ZNF385D: variants seen among roughly 807,000 people sequenced by gnomAD.
The protein encoded by ZNF385D is zinc finger protein 385D.
A neutral mutation model predicts 35.8 loss-of-function variants in ZNF385D; 15 were observed. That is an observed-to-expected ratio of 0.42 (90% CI 0.28 to 0.64). The LOEUF is 0.64. ZNF385D is among the 30% of genes least tolerant of loss of function. The pLI is 0.23. For missense variants in ZNF385D, 474 were observed against 494.6 expected (o/e 0.96, Z 0.39); for synonymous variants, 212 against 186.8 (o/e 1.13, Z -1.10).
intron 3 of ZNF385D, among the ~76,000 whole-genome samples, chr3:22,014,914 C>A (rs34068715): frequency 7.9e-5 from 12 of 152,112 alleles, no homozygotes; most frequent in Admixed American, 6.5e-4. Flanking sequence ...AACGTGGAAA[C>A]TGATTACAGT....
At chr3:21,949,650 G>C (rs539329771) in intron 3 of ZNF385D, among the ~76,000 whole-genome samples, 2 of 149,824 alleles carry the variant, frequency 1.3e-5, no homozygotes, top group East Asian at 4.0e-4. Flanking sequence ...GTGGTTTGCT[G>C]CACCCATCAA....
chr3:21,945,144 G>GTA (rs1491234736), intron 3 of ZNF385D, among the ~76,000 whole-genome samples: 28 of 150,498 alleles, frequency 1.9e-4, no homozygotes, highest in South Asian at 4.2e-4. Context: ...ATATGTATAT[G>GTA]CATATATATA....
chr3:22,224,276 T>C (rs1698429935), intron 2 of ZNF385D, among the ~76,000 whole-genome samples: 1 of 152,216 alleles, frequency 6.6e-6, no homozygotes, highest in South Asian at 2.1e-4. Flanking sequence ...TACTTATTTG[T>C]ATTTTTAATC....
Position 21,421,023 on chromosome 3 carries a change from G to GAAAATACCAC in ZNF385D, c.*181_*190dup, listed in dbSNP as rs1466298567. ...TTCAAGAGGAATGCTTTAATTTGGA[G>GAAAATACCAC]AAAATACCACTCCCTCCCTCCCACC... On this transcript the variant is annotated 3_prime_UTR_variant, in exon 8 of 8. Transcript: ENST00000281523. 1.2e-5 allele frequency: 6 copies of GAAAATACCAC among 488,562 alleles called. No individual in the cohort carries two copies. The highest frequency in any genetic ancestry group is 1.2e-4 in the African/African-American group (6 of 51,232). The allele number at this position is 488,562 out of a possible 1,614,324, so 30.3% of individuals were successfully genotyped here.
intron 1 of ZNF385D, among the ~76,000 whole-genome samples, chr3:21,694,767 C>T (rs868725055): frequency 1.3e-5 from 2 of 152,198 alleles, no homozygotes; most frequent in African/African-American, 2.4e-5. Flanking sequence ...TAAGCAACCT[C>T]ATGACTCCAA....
At chr3:22,120,330 T>TC (rs1262224377) in intron 3 of ZNF385D, among the ~76,000 whole-genome samples, 1 of 151,744 alleles carries the variant, frequency 6.6e-6, no homozygotes, top group Non-Finnish European at 1.5e-5. Context: ...GATGACACCT[T>TC]CCCACTGGGT....
chr3:22,315,137 G>A (rs946776559), intron 2 of ZNF385D, among the ~76,000 whole-genome samples: 2 of 152,070 alleles, frequency 1.3e-5, no homozygotes, highest in African/African-American at 4.8e-5. Flanking sequence ...CAGAGACAAA[G>A]GAAAGGAGAA....
intron 3 of ZNF385D, among the ~76,000 whole-genome samples, chr3:22,102,382 G>C (rs189812878): frequency 1.1e-3 from 161 of 152,170 alleles, no homozygotes; most frequent in African/African-American, 3.5e-3. Flanking sequence ...AGATTGCTTA[G>C]ATAGTAAGAG....
intron 3 of ZNF385D, among the ~76,000 whole-genome samples, chr3:22,089,511 T>C (rs1330466509): frequency 6.6e-6 from 1 of 152,158 alleles, no homozygotes; most frequent in Non-Finnish European, 1.5e-5. Flanking sequence ...TCCAGCAGTG[T>C]GCATGGCTTC....
chr3:21,675,362 G>A (rs35769894), intron 1 of ZNF385D, among the ~76,000 whole-genome samples: 31,002 of 151,884 alleles, frequency 0.2, 3,401 homozygotes, highest in East Asian at 0.29. Context: ...TATTATTTCT[G>A]CTTCCATACA....
At chr3:21,763,016 G>C (rs768456038) in intron 3 of ZNF385D, among the ~76,000 whole-genome samples, 7 of 152,038 alleles carry the variant, frequency 4.6e-5, no homozygotes, top group Non-Finnish European at 7.4e-5. Flanking sequence ...CATTGAGTAG[G>C]TACTCAACAA....
chr3:22,184,943 AT>A (rs972502086), intron 2 of ZNF385D, among the ~76,000 whole-genome samples: 489 of 149,762 alleles, frequency 3.3e-3, no homozygotes, highest in Non-Finnish European at 4.6e-3. Flanking sequence ...TTTTAATCTT[AT>A]TTTTTTTTTA....
At chr3:22,347,314 C>T (rs1695703823) in intron 2 of ZNF385D, among the ~76,000 whole-genome samples, 1 of 152,022 alleles carries the variant, frequency 6.6e-6, no homozygotes, top group African/African-American at 2.4e-5. Context: ...CATTAGAACC[C>T]AGTTATTTCA....
Position 22,022,407 on chromosome 3 carries a change from T to A in ZNF385D, c.325+146410A>T, listed in dbSNP as rs182570476. ...AAAAGATCAGCTCTAATCTTTCAAC[T>A]TGGAGTTATTCTATGAAATTTCTAC... On this transcript the variant is annotated intron_variant, in intron 3 of 5. Coordinates refer to the ZNF385D transcript ENST00000494108. Among the ~76,000 whole-genome samples the A allele has an allele frequency of 3.3e-5, 5 of 152,128 alleles. No homozygotes were observed. In the East Asian group the frequency reaches 9.6e-4, roughly 29 times the overall value.
At chr3:21,681,619 G>A (rs577648262) in intron 1 of ZNF385D, among the ~76,000 whole-genome samples, 1 of 148,414 alleles carries the variant, frequency 6.7e-6, no homozygotes, top group African/African-American at 2.5e-5. Flanking sequence ...CAGAACAATA[G>A]AGCTGCATAT....
chr3:21,564,337 T>A (rs2063064246), intron 3 of ZNF385D, among the ~76,000 whole-genome samples: 1 of 152,006 alleles, frequency 6.6e-6, no homozygotes, highest in Non-Finnish European at 1.5e-5. Flanking sequence ...AATAAATAAA[T>A]AAAAATATTA....
rs915335773 is a variant in ZNF385D, at chr3:22,199,831, A to C, written c.107-30796T>G. On this transcript the variant is annotated intron_variant, in intron 2 of 5. Coordinates refer to the ZNF385D transcript ENST00000494108. ...TGCATATATGTGGTGTATACGTAAA[A>C]TTTATGAATTACATTTTTAAACAGG... is the stretch of plus-strand genomic sequence containing the variant. 2.6e-5 allele frequency among the ~76,000 whole-genome samples: 4 copies of C among 152,144 alleles called. 1 individual carries two copies. Among genetic ancestry groups the C allele is most frequent in the Admixed American group, 2.0e-4 (3 of 15,256 alleles).
chr3:21,691,928 T>G (rs987082267), intron 1 of ZNF385D, among the ~76,000 whole-genome samples: 1 of 152,168 alleles, frequency 6.6e-6, no homozygotes, highest in African/African-American at 2.4e-5. Context: ...TTCTACTTTG[T>G]CTCTATGAAT....
chr3:21,824,370 G>C (rs1694463152), intron 3 of ZNF385D, among the ~76,000 whole-genome samples: 1 of 152,150 alleles, frequency 6.6e-6, no homozygotes, highest in Admixed American at 6.6e-5. Flanking sequence ...ATACAACTGT[G>C]TAACACTATG....
Sources: gnomAD v4.1 joint callset for allele counts (sites outside exome capture counted in the v4.1 genomes callset) on GRCh38, gnomAD v4.1.1 for gene constraint, MANE v1.5 for transcripts, NCBI Gene and HGNC (gene_info 2026-07-23, HGNC 2026-07-21) for gene names.